Variants in TENM4 observed in about 807,000 individuals in gnomAD.
TENM4 encodes teneurin-4.
TENM4 carries 82 observed loss-of-function variants against 243.3 expected under a neutral mutation model. That is an observed-to-expected ratio of 0.34 (90% CI 0.28 to 0.40). The LOEUF is 0.40. Ranked by LOEUF, TENM4 falls within the 10% of genes least tolerant of loss-of-function variation. TENM4 has a pLI of 1.00. For synonymous variants in TENM4, 1,412 were observed against 1,456.3 expected (o/e 0.97, Z 0.69); for missense variants, 3,138 against 3,673.3 (o/e 0.85, Z 3.77).
chr11:78,832,467 T>A (rs543616040), intron 12 of TENM4, among the ~76,000 whole-genome samples: 1 of 152,352 alleles, frequency 6.6e-6, no homozygotes, highest in East Asian at 1.9e-4. Flanking sequence ...CACCAATACA[T>A]ATGTTTGTAA....
chr11:78,838,573 TG>T (rs1238303464), intron 12 of TENM4, among the ~76,000 whole-genome samples: 4 of 152,118 alleles, frequency 2.6e-5, no homozygotes, highest in Admixed American at 2.6e-4. Flanking sequence ...TTTTGGCATA[TG>T]GTATGAGGTG....
chr11:79,111,043 C>T (rs1385077696), intron 4 of TENM4, among the ~76,000 whole-genome samples: 1 of 152,076 alleles, frequency 6.6e-6, no homozygotes, highest in Non-Finnish European at 1.5e-5. Context: ...GGGAGGGAGC[C>T]GGTGGGAGAC....
chr11:79,349,283 T>C (rs928579198), intron 1 of TENM4, among the ~76,000 whole-genome samples: 10 of 152,208 alleles, frequency 6.6e-5, no homozygotes, highest in Non-Finnish European at 1.3e-4. Flanking sequence ...TTAAATTAGG[T>C]TGTCAGAATT....
At chr11:78,853,539 C>T (rs1858596178) in intron 12 of TENM4, among the ~76,000 whole-genome samples, 1 of 152,078 alleles carries the variant, frequency 6.6e-6, no homozygotes, top group Non-Finnish European at 1.5e-5. Flanking sequence ...ACATCAGGGC[C>T]CACTCTTTGT....
intron 17 of TENM4, among the ~76,000 whole-genome samples, chr11:78,772,751 C>A (rs1373267460): frequency 6.6e-6 from 1 of 152,214 alleles, no homozygotes; most frequent in Non-Finnish European, 1.5e-5. Context: ...TTGAGATGTT[C>A]CACACAACAA....
intron 4 of TENM4, among the ~76,000 whole-genome samples, chr11:79,124,907 G>GTA (rs1475132065): frequency 6.7e-6 from 1 of 148,282 alleles, no homozygotes; most frequent in East Asian, 2.0e-4. Context: ...GTGTGTGTGT[G>GTA]TGTGTGTGTG....
At chr11:78,899,529 G>C (rs1382090662) in intron 7 of TENM4, among the ~76,000 whole-genome samples, 1 of 122,032 alleles carries the variant, frequency 8.2e-6, no homozygotes, top group African/African-American at 3.1e-5. Context: ...AGCGTGTCAG[G>C]ATCATGCCAC....
At chr11:78,935,824 C>T (rs1008003981) in intron 6 of TENM4, among the ~76,000 whole-genome samples, 8 of 152,152 alleles carry the variant, frequency 5.3e-5, no homozygotes, top group Non-Finnish European at 1.0e-4. Context: ...TTTTTAAAAT[C>T]CCAGGCAGGA....
intron 2 of TENM4, among the ~76,000 whole-genome samples, chr11:79,276,507 G>T (rs1263257222): frequency 6.6e-6 from 1 of 152,212 alleles, no homozygotes; most frequent in Non-Finnish European, 1.5e-5. Context: ...AATGTGCAAA[G>T]AGCTGCTGCT....
intron 1 of TENM4, among the ~76,000 whole-genome samples, chr11:79,369,339 A>G (rs1204272020): frequency 2.0e-5 from 3 of 152,208 alleles, no homozygotes; most frequent in African/African-American, 7.2e-5. Context: ...TGAAATCAGC[A>G]TGTATAATTT....
At chr11:79,211,967 G>A (rs73508662) in intron 3 of TENM4, among the ~76,000 whole-genome samples, 1,980 of 152,258 alleles carry the variant, frequency 0.013, 37 homozygotes, top group African/African-American at 0.044. Context: ...GCCCATGACT[G>A]GGATCCATTT....
intron 1 of TENM4, among the ~76,000 whole-genome samples, chr11:79,323,310 G>A (rs551971253): frequency 4.3e-4 from 66 of 152,292 alleles, no homozygotes; most frequent in African/African-American, 1.5e-3. Flanking sequence ...AAGGACAGGT[G>A]AATAAGTGAA....
intron 9 of TENM4, among the ~76,000 whole-genome samples, chr11:78,877,351 G>A (rs532840): frequency 0.96 from 146,449 of 152,224 alleles, 70,602 homozygotes; most frequent in Middle Eastern, 1. Context: ...ACTTAAGTTT[G>A]GCCCCTTCCT....
At position 78,750,033 on chromosome 11, in the gene TENM4, T is replaced by TCAC. The variant is rs148311045; in HGVS notation, c.2756+6769_2756+6771dup. Among the ~76,000 whole-genome samples the TCAC allele has an allele frequency of 1.8e-3, 277 of 152,296 alleles. 7 individuals carry two copies. The East Asian group carries it at 0.028, about 16-fold the overall frequency. The stretch of plus-strand genomic sequence containing the variant: ...CTGACCTTTGATGTGGAAAATAATG[T>TCAC]CACCATAATTATCCTCCAGACACAT... On this transcript the variant is annotated intron_variant, in intron 19 of 33. Transcript: ENST00000278550.
intron 6 of TENM4, among the ~76,000 whole-genome samples, chr11:78,952,838 G>C (rs1219988036): frequency 6.6e-6 from 1 of 152,154 alleles, no homozygotes; most frequent in Non-Finnish European, 1.5e-5. Flanking sequence ...ATGGGCAACT[G>C]GGTAAGAGAG....
At chr11:79,146,261 A>C (rs1332263369) in intron 4 of TENM4, among the ~76,000 whole-genome samples, 1 of 152,112 alleles carries the variant, frequency 6.6e-6, no homozygotes, top group East Asian at 1.9e-4. Context: ...TGGCATCCAC[A>C]CCAACATTGG....
At chr11:78,730,111 ATC>A (rs1232516855) in intron 21 of TENM4, among the ~76,000 whole-genome samples, 1 of 152,160 alleles carries the variant, frequency 6.6e-6, no homozygotes, top group Non-Finnish European at 1.5e-5. Context: ...GAACCTCTGA[ATC>A]TCAGTCTCCT....
At chr11:79,405,948 G>GGT (rs1170568016) in intron 1 of TENM4, among the ~76,000 whole-genome samples, 12 of 151,888 alleles carry the variant, frequency 7.9e-5, no homozygotes. Flanking sequence ...CATCTATGGA[G>GGT]GTGTCTACAA....
chr11:78,835,716 G>A (rs545973516), intron 12 of TENM4, among the ~76,000 whole-genome samples: 5 of 152,132 alleles, frequency 3.3e-5, no homozygotes, highest in South Asian at 2.1e-4. Context: ...CTTAGATGTC[G>A]CTGTCATGTA....
Sources: allele counts gnomAD v4.1 joint callset (sites outside exome capture counted in the v4.1 genomes callset), GRCh38; gene constraint gnomAD v4.1.1; transcripts MANE v1.5; gene names NCBI Gene and HGNC (gene_info 2026-07-23, HGNC 2026-07-21).